LITAF: variants seen among roughly 807,000 people sequenced by gnomAD.
The protein encoded by LITAF is lipopolysaccharide-induced tumor necrosis factor-alpha factor.
In LITAF, 9 loss-of-function variants were observed where a neutral mutation model predicts 14.5. That is an observed-to-expected ratio of 0.62 (90% CI 0.37 to 1.08). LITAF has a LOEUF of 1.08. Among genes scored for constraint, LITAF ranks in the 50% least tolerant of loss-of-function variants. The pLI, the probability that LITAF is intolerant of heterozygous loss-of-function variation, is 0.01. For synonymous variants in LITAF, 98 were observed against 88.2 expected, an observed-to-expected ratio of 1.11 and a Z score of -0.62; for missense variants, 206 against 213.4, an observed-to-expected ratio of 0.97 and a Z score of 0.22.
At chr16:11,574,949 CAT>C (rs1242082749) in intron 1 of LITAF, among the ~76,000 whole-genome samples, 4 of 152,204 alleles carry the variant, frequency 2.6e-5, no homozygotes, top group East Asian at 1.9e-4. Context: ...ATTACAGGTG[CAT>C]GCCACCACGC....
At chr16:11,572,539 G>A (rs1008732718) in intron 1 of LITAF, among the ~76,000 whole-genome samples, 2 of 152,154 alleles carry the variant, frequency 1.3e-5, no homozygotes, top group African/African-American at 4.8e-5. Flanking sequence ...CACACCGGCT[G>A]ACTGACAGGA....
chr16:11,619,573 TG>T (rs930274702), intron 3 of LITAF, among the ~76,000 whole-genome samples: 1 of 150,506 alleles, frequency 6.6e-6, no homozygotes, highest in Non-Finnish European at 1.5e-5. Context: ...ACTTTGTTTT[TG>T]TTTTTTTTTT....
upstream of LITAF, chr16:11,587,173 C>T: frequency 3.0e-6 from 1 of 329,722 alleles, no homozygotes; most frequent in South Asian, 2.3e-5. Flanking sequence ...TGGCGCGGAC[C>T]TGGTGTCTCC....
At position 11,632,520 on chromosome 16, in the gene LITAF, CCTGACT is replaced by C. The variant is rs149199002; in HGVS notation, c.85+1007_85+1012del. ...TCCCAGCTCAGAACTAACAGCTACC[CCTGACT>C]CTGCGGGCCCAGAGCAGATCACTGC... On this transcript the variant is annotated intron_variant, in intron 3 of 3. Coordinates refer to the LITAF transcript ENST00000574848. The surrounding 1 kb of genome is among the most constrained non-coding windows in gnomAD (Gnocchi z 4.8). 6.6e-6 allele frequency among the ~76,000 whole-genome samples: 1 copy of C among 152,354 alleles called. No homozygotes were observed. The highest frequency in any genetic ancestry group is 2.4e-5 in the African/African-American group (1 of 41,596).
In LITAF at chr16:11,553,460, T is replaced by C; in HGVS notation, c.377+73A>G. ...GCCCTGAATGTCAAGCATGGTGCAGTTGAGAACCCACCCCCGCCAGCACCC... is the reference window on the plus strand; with the variant it reads ...GCCCTGAATGTCAAGCATGGTGCAGCTGAGAACCCACCCCCGCCAGCACCC... On this transcript the variant is annotated intron_variant, in intron 3 of 3. Coordinates refer to ENST00000622633, the MANE Select transcript of LITAF (RefSeq NM_001136472.2). This position sits in a 1 kb window ranked among gnomAD's most constrained non-coding sequence, Gnocchi z 7.7. 1 of 1,524,524 alleles carries C rather than the reference T, an allele frequency of 6.6e-7. No homozygotes were observed. Among genetic ancestry groups the C allele is most frequent in the South Asian group, 1.1e-5 (1 of 88,022 alleles). The allele number at this position is 1,524,524 out of a possible 1,614,324, so 94.4% of individuals were successfully genotyped here.
At chr16:11,637,089 C>A (rs1238041799), upstream of LITAF, among the ~76,000 whole-genome samples, 2 of 152,146 alleles carry the variant, frequency 1.3e-5, no homozygotes, top group African/African-American at 4.8e-5. Context: ...TGGGGTTTCA[C>A]CATGTTGGCC....
upstream of LITAF, chr16:11,587,322 C>A (rs1354894919): frequency 1.6e-5 from 7 of 448,380 alleles, no homozygotes; most frequent in African/African-American, 6.0e-5. Context: ...CACTTCCAGG[C>A]GGCGGGACCA....
chr16:11,584,648 A>G (rs1055260247), intron 1 of LITAF, among the ~76,000 whole-genome samples: 1 of 151,932 alleles, frequency 6.6e-6, no homozygotes, highest in East Asian at 1.9e-4. Context: ...AACTTTCTCT[A>G]ACTTAGCTGC....
At chr16:11,631,858 T>C (rs1400588546) in intron 3 of LITAF, among the ~76,000 whole-genome samples, 3 of 151,426 alleles carry the variant, frequency 2.0e-5, no homozygotes, top group East Asian at 1.9e-4. Flanking sequence ...CTTTTCTTTT[T>C]TTTTTTTTTT....
At position 11,558,128 on chromosome 16, in the gene LITAF, C is replaced by T. The variant is rs2064303636; in HGVS notation, c.-5-1393G>A. Among the ~76,000 whole-genome samples, 1 of 152,166 alleles carries T rather than the reference C, an allele frequency of 6.6e-6. No individual in the cohort carries two copies. Among genetic ancestry groups the T allele is most frequent in the Non-Finnish European group, 1.5e-5 (1 of 68,026 alleles). ...CACTCCCCTCTCCCGACACTGTCTG[C>T]CTCATTTTCTAGAACTCGTGGGAAG... On this transcript the variant is annotated intron_variant, in intron 1 of 3. Coordinates refer to ENST00000622633, the MANE Select transcript of LITAF (RefSeq NM_001136472.2). This position sits in a 1 kb window ranked among gnomAD's most constrained non-coding sequence, Gnocchi z 4.1.
At chr16:11,587,397 C>T (rs1331987441), upstream of LITAF, 1 of 454,034 alleles carries the variant, frequency 2.2e-6, no homozygotes, top group South Asian at 1.6e-5. Context: ...CCTTCTCTTC[C>T]TGTAACTCTA....
At chr16:11,639,905 G>T (rs2065157924), upstream of LITAF, among the ~76,000 whole-genome samples, 1 of 152,194 alleles carries the variant, frequency 6.6e-6, no homozygotes, top group Non-Finnish European at 1.5e-5. Flanking sequence ...CCCCCAAGTA[G>T]CTGGGAGTAC....
At chr16:11,603,971 T>C (rs1597368379) in intron 3 of LITAF, among the ~76,000 whole-genome samples, 1 of 151,860 alleles carries the variant, frequency 6.6e-6, no homozygotes, top group Admixed American at 6.6e-5. Context: ...GGCATGAACC[T>C]GGGAGGCGGA....
intron 1 of LITAF, among the ~76,000 whole-genome samples, chr16:11,594,627 A>G (rs4780391): frequency 0.72 from 109,173 of 152,100 alleles, 39,984 homozygotes; most frequent in African/African-American, 0.86. Context: ...TGCAACCCCA[A>G]CACTTTAGGA....
At chr16:11,595,966 C>G (rs753343247) in intron 1 of LITAF, among the ~76,000 whole-genome samples, 81 of 152,112 alleles carry the variant, frequency 5.3e-4, no homozygotes, top group Non-Finnish European at 8.1e-4. Flanking sequence ...AGTAGTGCTC[C>G]CCGTGAGATC....
chr16:11,548,953 G>A lies in LITAF; in HGVS notation c.*684C>T. 1 of 454,004 alleles carries A rather than the reference G, an allele frequency of 2.2e-6. No individual in the cohort carries two copies. The highest frequency in any genetic ancestry group is 4.4e-6 in the Non-Finnish European group (1 of 226,780). 28.1% of individuals were successfully genotyped at this position (454,004 alleles called of 1,614,324 possible). ...GAAGATCTGGCACAGAGAAACAAGG[G>A]GAGACAGGGCAGTGATAAGATCCAG... On this transcript the variant is annotated 3_prime_UTR_variant, in exon 4 of 4. Transcript: ENST00000622633.
intron 1 of LITAF, among the ~76,000 whole-genome samples, chr16:11,577,450 C>T (rs1424322009): frequency 2.0e-5 from 3 of 150,922 alleles, no homozygotes; most frequent in East Asian, 3.9e-4. Context: ...CCCGAGTAGC[C>T]GAGATTACAG....
intron 3 of LITAF, among the ~76,000 whole-genome samples, chr16:11,622,996 C>T (rs62040582): frequency 6.6e-6 from 1 of 150,586 alleles, no homozygotes; most frequent in Non-Finnish European, 1.5e-5. Context: ...AACAGAGTCT[C>T]GCTCTGTCGC....
chr16:11,568,288 GAAAAAAAAA>G (rs35115784), intron 1 of LITAF, among the ~76,000 whole-genome samples: 1 of 115,802 alleles, frequency 8.6e-6, no homozygotes, highest in African/African-American at 3.1e-5. Flanking sequence ...ACCCTGTCTC[GAAAAAAAAA>G]AAAAAAGAAA....
Sources: gnomAD v4.1 joint callset for allele counts (sites outside exome capture counted in the v4.1 genomes callset) on GRCh38, gnomAD v4.1.1 for gene constraint, Gnocchi (gnomAD v3.1) non-coding constraint, MANE v1.5 for transcripts, NCBI Gene and HGNC (gene_info 2026-07-23, HGNC 2026-07-21) for gene names.